The following SLC25A21 variants were observed in gnomAD, a reference collection of about 807,000 sequenced individuals.
SLC25A21 encodes mitochondrial 2-oxodicarboxylate carrier.
In SLC25A21, 47 loss-of-function variants were observed where a neutral mutation model predicts 43.8. The ratio of observed to expected loss-of-function variants is 1.07; its 90% CI spans 0.85 to 1.37. The LOEUF (loss-of-function observed/expected upper bound fraction) is 1.37. SLC25A21 is among the 40% of genes most tolerant of loss of function. SLC25A21 has a pLI of 0.00. For missense variants in SLC25A21, 352 were observed against 350.2 expected (o/e 1.00, Z -0.04); for synonymous variants, 131 against 121.3 (o/e 1.08, Z -0.52).
Position 36,764,551 on chromosome 14 carries a change from CCAAAACAAAA to C in SLC25A21, c.204-29988_204-29979del, listed in dbSNP as rs3061622. Among the ~76,000 whole-genome samples the C allele has an allele frequency of 7.7e-4, 97 of 126,592 alleles. 1 individual carries two copies. Among genetic ancestry groups the C allele is most frequent in the Non-Finnish European group, 1.2e-3 (75 of 62,362 alleles). 83.0% of individuals were successfully genotyped at this position (126,592 alleles called of 152,430 possible). On this transcript the variant is annotated intron_variant, in intron 3 of 9. Transcript: ENST00000331299. ...CCACACTCCAAAAAAAAAAAAAAAG[CCAAAACAAAA>C]CAAAACAAAACAAAACAAAAAACAA...
At chr14:37,059,382 C>G (rs1168092464) in intron 1 of SLC25A21, among the ~76,000 whole-genome samples, 5 of 152,152 alleles carry the variant, frequency 3.3e-5, no homozygotes, top group African/African-American at 1.2e-4. Flanking sequence ...GTAACCGAGT[C>G]TGTACTATTA....
intron 1 of SLC25A21, among the ~76,000 whole-genome samples, chr14:36,918,946 GATCA>G (rs1382696249): frequency 6.6e-6 from 1 of 151,902 alleles, no homozygotes; most frequent in Non-Finnish European, 1.5e-5. Flanking sequence ...GGTTTTATGT[GATCA>G]GTCAGAACTT....
At chr14:37,147,047 A>T (rs564417784) in intron 1 of SLC25A21, among the ~76,000 whole-genome samples, 1 of 152,170 alleles carries the variant, frequency 6.6e-6, no homozygotes, top group East Asian at 1.9e-4. Flanking sequence ...CCATCCATTT[A>T]TTCATTGCAC....
chr14:36,764,515 T>C (rs1594566701), intron 3 of SLC25A21, among the ~76,000 whole-genome samples: 2 of 133,926 alleles, frequency 1.5e-5, no homozygotes, highest in African/African-American at 2.9e-5. Flanking sequence ...TCCAGATTTA[T>C]GCACACTCAC....
chr14:37,054,041 T>C (rs1470275172), intron 1 of SLC25A21, among the ~76,000 whole-genome samples: 2 of 152,220 alleles, frequency 1.3e-5, no homozygotes, highest in Admixed American at 6.5e-5. Context: ...TGGTCTGGCT[T>C]TGGGGACTTG....
chr14:36,945,115 T>C (rs1371727803), intron 1 of SLC25A21, among the ~76,000 whole-genome samples: 3 of 152,178 alleles, frequency 2.0e-5, no homozygotes, highest in East Asian at 3.9e-4. Context: ...TCTTCAGGAC[T>C]ACCTGTGAGG....
At chr14:36,951,596 T>C (rs1330416179) in intron 1 of SLC25A21, among the ~76,000 whole-genome samples, 1 of 147,008 alleles carries the variant, frequency 6.8e-6, no homozygotes, top group African/African-American at 2.7e-5. Flanking sequence ...GGTATGCATT[T>C]TTTTTTTGCA....
At chr14:36,809,455 A>C (rs1484898491) in intron 3 of SLC25A21, among the ~76,000 whole-genome samples, 2 of 152,172 alleles carry the variant, frequency 1.3e-5, no homozygotes, top group Non-Finnish European at 1.5e-5. Context: ...GCTGTGTTGA[A>C]AAGCCATGTC....
chr14:36,889,779 C>T (rs1005580525), intron 1 of SLC25A21, among the ~76,000 whole-genome samples: 1 of 152,140 alleles, frequency 6.6e-6, no homozygotes, highest in Non-Finnish European at 1.5e-5. Flanking sequence ...GTGTGAGCCA[C>T]AACACTCAGC....
At chr14:36,711,288 C>T (rs756127145) in intron 7 of SLC25A21, 30 bp downstream of exon 7, 1 of 1,604,744 alleles carries the variant, frequency 6.2e-7, no homozygotes, top group Admixed American at 1.7e-5. Flanking sequence ...AGGATTTTTC[C>T]TCCAGGATTT....
At chr14:36,995,032 A>C (rs17105892) in intron 1 of SLC25A21, among the ~76,000 whole-genome samples, 16,098 of 152,224 alleles carry the variant, frequency 0.11, 1,050 homozygotes, top group African/African-American at 0.18. Context: ...ATCCTGGGTC[A>C]ACTGGCTCCT....
chr14:36,864,659 G>A (rs1424096828), intron 2 of SLC25A21, among the ~76,000 whole-genome samples: 1 of 152,148 alleles, frequency 6.6e-6, no homozygotes, highest in Non-Finnish European at 1.5e-5. Flanking sequence ...ATTATATGTT[G>A]CCATGGATTG....
intron 1 of SLC25A21, among the ~76,000 whole-genome samples, chr14:37,112,461 A>G (rs914419367): frequency 3.9e-5 from 6 of 152,218 alleles, no homozygotes; most frequent in Non-Finnish European, 7.3e-5. Flanking sequence ...CAGACCACTA[A>G]TTGTCCTCCA....
chr14:36,726,354 G>C (rs577056501), intron 5 of SLC25A21, among the ~76,000 whole-genome samples: 1 of 151,984 alleles, frequency 6.6e-6, no homozygotes, highest in Admixed American at 6.6e-5. Flanking sequence ...GATCACTTGA[G>C]CCTAAGAGTT....
chr14:36,878,213 A>G (rs1300859248), intron 1 of SLC25A21, among the ~76,000 whole-genome samples: 3 of 152,188 alleles, frequency 2.0e-5, no homozygotes, highest in Non-Finnish European at 4.4e-5. Context: ...GTCAATGGCC[A>G]TCTATGAAAC....
At chr14:37,066,209 G>C (rs1004117043) in intron 1 of SLC25A21, among the ~76,000 whole-genome samples, 1 of 152,152 alleles carries the variant, frequency 6.6e-6, no homozygotes, top group Non-Finnish European at 1.5e-5. Flanking sequence ...TGTGTAACTT[G>C]AATCTAATCA....
At chr14:36,883,339 T>C (rs1338442554) in intron 1 of SLC25A21, among the ~76,000 whole-genome samples, 1 of 152,132 alleles carries the variant, frequency 6.6e-6, no homozygotes, top group Admixed American at 6.6e-5. Flanking sequence ...TAGAATGCTC[T>C]TCCCCCACAT....
chr14:37,019,023 G>A (rs780892149), intron 1 of SLC25A21, among the ~76,000 whole-genome samples: 1 of 151,926 alleles, frequency 6.6e-6, no homozygotes, highest in Admixed American at 6.6e-5. Flanking sequence ...CATCCTTGTG[G>A]TTTCCCTGAT....
chr14:36,813,684 A>G (rs1888351649), intron 3 of SLC25A21, among the ~76,000 whole-genome samples: 1 of 152,238 alleles, frequency 6.6e-6, no homozygotes, highest in Non-Finnish European at 1.5e-5. Context: ...CCCTAGTGGC[A>G]TAAATTAAGA....
Sources: allele counts gnomAD v4.1 joint callset (sites outside exome capture counted in the v4.1 genomes callset), GRCh38; gene constraint gnomAD v4.1.1; transcripts MANE v1.5; gene names NCBI Gene and HGNC (gene_info 2026-07-23, HGNC 2026-07-21).